Variants in CATSPERD observed in about 807,000 individuals in gnomAD.
CATSPERD encodes the protein catsper channel auxiliary subunit delta, also known as cation channel sperm-associated auxiliary subunit delta.
A neutral mutation model predicts 98.1 loss-of-function variants in CATSPERD; 86 were observed. The ratio of observed to expected loss-of-function variants is 0.88; its 90% CI spans 0.74 to 1.05. The LOEUF (loss-of-function observed/expected upper bound fraction) is 1.05, where lower values mean the gene tolerates loss of function less well. CATSPERD is among the 50% of genes least tolerant of loss of function. The probability of loss-of-function intolerance (pLI) is 0.00; values close to 1 mark genes in which losing one functional copy is unlikely to be tolerated. For missense variants in CATSPERD, 995 were observed against 1,005.7 expected, an observed-to-expected ratio of 0.99 and a Z score of 0.14; for synonymous variants, 394 against 390.2, an observed-to-expected ratio of 1.01 and a Z score of -0.12.
At chr19:5,753,287 G>T (rs770980628) in intron 12 of CATSPERD, among the ~76,000 whole-genome samples, 7 of 151,970 alleles carry the variant, frequency 4.6e-5, no homozygotes, top group South Asian at 2.1e-4. Context: ...GGGGGCGGGC[G>T]CGGTGGCTCA....
chr19:5,747,169 C>CTT (rs748726369), intron 9 of CATSPERD, among the ~76,000 whole-genome samples: 55 of 105,744 alleles, frequency 5.2e-4, no homozygotes, highest in African/African-American at 1.7e-3. Context: ...AATGGTTTCC[C>CTT]TTTTTTTTTT....
intron 4 of CATSPERD, 68 bp from the exon 5 acceptor site, chr19:5,733,788 A>G: frequency 9.0e-7 from 1 of 1,109,312 alleles, no homozygotes. Context: ...CATGTCTAGA[A>G]GTCTGCGTTT....
chr19:5,742,202 ATGTGTGCATGTGTGTACATG>A (rs2055993849), intron 7 of CATSPERD, among the ~76,000 whole-genome samples: 1 of 109,566 alleles, frequency 9.1e-6, no homozygotes, highest in Non-Finnish European at 2.1e-5. Context: ...GTGCGTGTAC[ATGTGTGCATGTGTGTACATG>A]TGTGTGCGTG....
intron 11 of CATSPERD, among the ~76,000 whole-genome samples, chr19:5,750,230 C>G (rs900978602): frequency 6.7e-6 from 1 of 149,012 alleles, no homozygotes; most frequent in East Asian, 2.0e-4. Context: ...GGGCGGATCA[C>G]GAGTTCAGGA....
At chr19:5,740,922 C>G (rs1167775851) in intron 7 of CATSPERD, among the ~76,000 whole-genome samples, 2 of 151,378 alleles carry the variant, frequency 1.3e-5, no homozygotes, top group African/African-American at 4.9e-5. Flanking sequence ...CTGTCTCTAC[C>G]AAAAATATAA....
At position 5,772,823 on chromosome 19, in the gene CATSPERD, C is replaced by T. The variant is rs1467305976; in HGVS notation, c.1799C>T (p.Ala600Val). The T allele has an allele frequency of 1.2e-6, 2 of 1,613,962 alleles. No individual in the cohort carries two copies. Among genetic ancestry groups the T allele is most frequent in the Non-Finnish European group, 8.5e-7 (1 of 1,179,926 alleles). ...RKDSFQEVID[A>V]EYVLLEVNGQ... is the part of the protein sequence containing the mutation. ...GACAGTTTCCAGGAGGTCATCGACG[C>T]CGAGTATGTGTTACTGGAGGTGAAC... Residue 600 changes from alanine (A) to valine (V), a missense_variant, in exon 20 of 22, where the codon GCC becomes GTC. Around this residue, in one of 3 missense-constraint regions of CATSPERD, gnomAD observed 762 missense variants for 773.7 expected, o/e 0.98. Transcript: ENST00000381624.
intron 3 of CATSPERD, among the ~76,000 whole-genome samples, chr19:5,728,561 C>G (rs2055654429): frequency 6.6e-6 from 1 of 151,110 alleles, no homozygotes; most frequent in Non-Finnish European, 1.5e-5. Context: ...CCGTCTCTGT[C>G]ATCAACAGCT....
chr19:5,762,729 G>T (rs2056465042), intron 15 of CATSPERD, among the ~76,000 whole-genome samples: 1 of 151,878 alleles, frequency 6.6e-6, no homozygotes, highest in Non-Finnish European at 1.5e-5. Context: ...TGGATGAGTG[G>T]ATGGATAGAG....
In CATSPERD at chr19:5,762,041, C is replaced by CATATAT. The variant is rs71172765; in HGVS notation, c.1428-1161_1428-1156dup. Among the ~76,000 whole-genome samples the CATATAT allele has an allele frequency of 1.5e-3, 36 of 23,246 alleles. 1 individual carries two copies. Among genetic ancestry groups the CATATAT allele is most frequent in the African/African-American group, 3.4e-3 (27 of 7,862 alleles). The allele number at this position is 23,246 out of a possible 152,430, so 15.3% of individuals were successfully genotyped here. On this transcript the variant is annotated intron_variant, in intron 15 of 21. Transcript: ENST00000381624. ...GTGAGAGCCACTGCGCCTGGCCTGC[C>CATATAT]ATATATATATATATATATTTTTTTT...
chr19:5,739,222 C>G lies in CATSPERD; in HGVS notation c.460-104C>G, dbSNP rs2055908073. On this transcript the variant is annotated intron_variant, in intron 6 of 21. Coordinates refer to ENST00000381624, the MANE Select transcript of CATSPERD (RefSeq NM_152784.4). The stretch of plus-strand genomic sequence containing the variant: ...CATCGAACAGTCACGTCCAGACATC[C>G]AGGTTTTTTTCAGTCATGAGTTTTC... 29 of 705,828 alleles carry G rather than the reference C, an allele frequency of 4.1e-5. No individual in the cohort carries two copies. The South Asian group carries it at 4.3e-4, about 11-fold the overall frequency. 43.7% of individuals were successfully genotyped at this position (705,828 alleles called of 1,614,324 possible).
At chr19:5,745,650 T>A in intron 8 of CATSPERD, among the ~76,000 whole-genome samples, 1 of 151,838 alleles carries the variant, frequency 6.6e-6, no homozygotes, top group African/African-American at 2.4e-5. Flanking sequence ...ATAAAATAAA[T>A]CTTCAAAATG....
chr19:5,751,077 G>C (rs2056204216), intron 11 of CATSPERD, among the ~76,000 whole-genome samples: 1 of 150,548 alleles, frequency 6.6e-6, no homozygotes, highest in African/African-American at 2.4e-5. Flanking sequence ...GCCGGGCATG[G>C]TGGTGCGACT....
intron 1 of CATSPERD, among the ~76,000 whole-genome samples, chr19:5,724,022 A>C (rs771002106): frequency 2.7e-4 from 40 of 149,718 alleles, no homozygotes; most frequent in Admixed American, 9.3e-4. Flanking sequence ...CGAAGTCCCA[A>C]CCTCAGGTGA....
rs1409247858 is a variant in CATSPERD at position 5,754,168 on chromosome 19, T to C, written c.1201T>C (p.Tyr401His). 2 of 1,613,568 alleles carry C rather than the reference T, an allele frequency of 1.2e-6. No homozygotes were observed. Among genetic ancestry groups the C allele is most frequent in the Non-Finnish European group, 1.7e-6 (2 of 1,179,634 alleles). ...GACAGGAGAATTTATATACAGGATG[T>C]ATACCATTGACATGCACAGCCAGCT... is the stretch of plus-strand genomic sequence containing the variant. ...FLTGEFIYRM[Y>H]TIDMHSQLEL... Residue 401 changes from tyrosine to histidine, a missense_variant, in exon 13 of 22, where the codon TAT becomes CAT. Transcript: ENST00000381624.
In CATSPERD at chr19:5,771,031, C is replaced by CCT; in HGVS notation, c.1724_1725dup (p.Val576SerfsTer33). 1 of 1,614,098 alleles carries CCT rather than the reference C, an allele frequency of 6.2e-7. No individual in the cohort carries two copies. The highest frequency in any genetic ancestry group is 8.5e-7 in the Non-Finnish European group (1 of 1,180,000). ...CCTACCAGCAGCTGGGCTGTCCTCT[C>CCT]CTCGTCTACTATGACACCCTATGGA... On this transcript the variant is annotated frameshift_variant, in exon 19 of 22. Transcript: ENST00000381624. LOFTEE classifies it high-confidence loss of function.
At chr19:5,734,949 G>T (rs988075299) in intron 5 of CATSPERD, among the ~76,000 whole-genome samples, 3 of 152,072 alleles carry the variant, frequency 2.0e-5, no homozygotes, top group Non-Finnish European at 4.4e-5. Context: ...TCTCACGAGG[G>T]CTAGGGGACG....
At chr19:5,768,296 C>A in intron 18 of CATSPERD, 54 bp downstream of exon 18, 3 of 1,405,416 alleles carry the variant, frequency 2.1e-6, no homozygotes, top group Admixed American at 1.8e-5. Flanking sequence ...ATTGGGCCTG[C>A]AAAAGCCAAG....
intron 12 of CATSPERD, 87 bp from the exon 13 acceptor site, chr19:5,754,045 G>GA: frequency 2.4e-6 from 2 of 849,106 alleles, no homozygotes; most frequent in Non-Finnish European, 4.0e-6. Flanking sequence ...GCAGGACCAG[G>GA]AGGGTCCCTT....
chr19:5,748,133 T>C (rs1303609790), intron 9 of CATSPERD, 27 bp from the exon 10 acceptor site: 1 of 1,590,288 alleles, frequency 6.3e-7, no homozygotes, highest in Non-Finnish European at 8.6e-7. Context: ...ACACGGGGCC[T>C]CATGCACCTG....
Sources: gnomAD v4.1 joint callset for allele counts (sites outside exome capture counted in the v4.1 genomes callset) on GRCh38, gnomAD v4.1.1 for gene constraint, gnomAD v4.1.1 regional missense constraint, MANE v1.5 for transcripts, NCBI Gene and HGNC (gene_info 2026-07-23, HGNC 2026-07-21) for gene names.